Variants in UTRN observed in about 807,000 individuals in gnomAD.
UTRN encodes dystrophin-related protein 1.
Under a neutral mutation model 463.9 loss-of-function variants are expected in UTRN, and 283 were observed. The observed-to-expected ratio is 0.61, with a 90% CI of 0.55 to 0.67. The LOEUF (loss-of-function observed/expected upper bound fraction) is 0.67, where lower values mean the gene tolerates loss of function less well. Among genes scored for constraint, UTRN ranks in the 30% least tolerant of loss-of-function variants. The pLI is 0.00. For synonymous variants in UTRN, 1,442 were observed against 1,431.5 expected (o/e 1.01, Z -0.17); for missense variants, 3,922 against 4,084.3 (o/e 0.96, Z 1.08).
At chr6:144,519,034 A>G (rs1453386091) in intron 39 of UTRN, among the ~76,000 whole-genome samples, 1 of 152,174 alleles carries the variant, frequency 6.6e-6, no homozygotes, top group African/African-American at 2.4e-5. Flanking sequence ...TTAATGTACA[A>G]TTAGGATTGA....
intron 33 of UTRN, among the ~76,000 whole-genome samples, chr6:144,496,003 G>T (rs939538017): frequency 6.6e-6 from 1 of 152,132 alleles, no homozygotes; most frequent in Non-Finnish European, 1.5e-5. Flanking sequence ...CCAGTGGCAA[G>T]AAGTTCACAT....
At chr6:144,850,950 T>A (rs1377289890) in intron 74 of UTRN, 39 bp from the exon 75 acceptor site, 1 of 1,613,294 alleles carries the variant, frequency 6.2e-7, no homozygotes, top group South Asian at 1.1e-5. Context: ...TGTAATGTTT[T>A]GTGCAAATTT....
intron 20 of UTRN, 74 bp downstream of exon 20, chr6:144,459,085 A>G (rs1789155534): frequency 1.3e-6 from 2 of 1,563,124 alleles, no homozygotes; most frequent in African/African-American, 1.4e-5. Flanking sequence ...TTCTCGTATC[A>G]TGAACTTTAA....
At chr6:144,777,908 A>G (rs1021347526) in intron 60 of UTRN, among the ~76,000 whole-genome samples, 3 of 152,232 alleles carry the variant, frequency 2.0e-5, no homozygotes, top group African/African-American at 7.2e-5. Flanking sequence ...ATTTTGTCCA[A>G]TATCCAGAAA....
At chr6:144,544,046 A>G (rs1249255388) in intron 46 of UTRN, among the ~76,000 whole-genome samples, 1 of 152,158 alleles carries the variant, frequency 6.6e-6, no homozygotes, top group African/African-American at 2.4e-5. Flanking sequence ...GGGTTATCTT[A>G]CTTTTTAAAA....
chr6:144,703,059 G>T (rs1784748614), intron 53 of UTRN, among the ~76,000 whole-genome samples: 2 of 152,160 alleles, frequency 1.3e-5, no homozygotes, highest in South Asian at 4.1e-4. Flanking sequence ...CCAAGTGGTG[G>T]TGAATTGGAA....
intron 3 of UTRN, among the ~76,000 whole-genome samples, chr6:144,419,695 T>G (rs2114841822): frequency 6.6e-6 from 1 of 152,282 alleles, no homozygotes; most frequent in Non-Finnish European, 1.5e-5. Context: ...TGTAAAAAAC[T>G]AAATAAAGTC....
chr6:144,831,171 C>A (rs1018348228), intron 69 of UTRN, among the ~76,000 whole-genome samples: 1 of 152,132 alleles, frequency 6.6e-6, no homozygotes, highest in Non-Finnish European at 1.5e-5. Context: ...TGATGGCCCC[C>A]CAAAGATGTC....
chr6:144,428,936 G>A, intron 8 of UTRN, 43 bp downstream of exon 8: 1 of 1,307,726 alleles, frequency 7.6e-7, no homozygotes, highest in South Asian at 1.4e-5. Context: ...TTGCTTTACA[G>A]TTTTGCATTC....
At chr6:144,610,328 GAATA>G (rs979690655) in intron 51 of UTRN, among the ~76,000 whole-genome samples, 7 of 151,968 alleles carry the variant, frequency 4.6e-5, no homozygotes, top group African/African-American at 1.7e-4. Flanking sequence ...TAGAAGAAAT[GAATA>G]AATTTCTAGA....
intron 65 of UTRN, among the ~76,000 whole-genome samples, chr6:144,813,811 GT>G (rs780877503): frequency 1.3e-5 from 2 of 152,194 alleles, no homozygotes; most frequent in South Asian, 2.1e-4. Context: ...ACCTGGAAGG[GT>G]TTTGCCATGC....
At chr6:144,609,346 G>A (rs1490049805) in intron 51 of UTRN, among the ~76,000 whole-genome samples, 1 of 152,112 alleles carries the variant, frequency 6.6e-6, no homozygotes, top group East Asian at 1.9e-4. Context: ...AAGATACAAA[G>A]GAGGCTATCA....
At chr6:144,394,700 GT>G (rs1782242118) in intron 2 of UTRN, among the ~76,000 whole-genome samples, 1 of 151,968 alleles carries the variant, frequency 6.6e-6, no homozygotes, top group Non-Finnish European at 1.5e-5. Flanking sequence ...GTAAAGTATT[GT>G]TCTCTTTTTC....
chr6:144,338,462 T>C (rs556190242), intron 2 of UTRN, among the ~76,000 whole-genome samples: 1 of 152,352 alleles, frequency 6.6e-6, no homozygotes, highest in East Asian at 1.9e-4. Flanking sequence ...GATGCCTTTT[T>C]CATTTTTGCA....
chr6:144,558,773 G>T (rs66906366), intron 50 of UTRN, among the ~76,000 whole-genome samples: 1 of 151,996 alleles, frequency 6.6e-6, no homozygotes, highest in African/African-American at 2.4e-5. Context: ...GCAGGAGAAG[G>T]TCACAGAGAG....
At chr6:144,688,645 A>G (rs1272652237) in intron 52 of UTRN, among the ~76,000 whole-genome samples, 1 of 151,022 alleles carries the variant, frequency 6.6e-6, no homozygotes, top group Non-Finnish European at 1.5e-5. Context: ...AAGACTCTGT[A>G]TGAGTTCCTT....
chr6:144,576,114 A>AAT (rs1801407195), intron 50 of UTRN, among the ~76,000 whole-genome samples: 1 of 152,192 alleles, frequency 6.6e-6, no homozygotes, highest in African/African-American at 2.4e-5. Flanking sequence ...ATGGGTGAAT[A>AAT]ATAGTCTATG....
intron 65 of UTRN, among the ~76,000 whole-genome samples, chr6:144,819,972 G>A (rs1779452518): frequency 2.0e-5 from 3 of 150,832 alleles, no homozygotes; most frequent in African/African-American, 4.9e-5. Context: ...ATAATGAGTG[G>A]TAGGTTGAGC....
chr6:144,836,269 A>C (rs1195297579), intron 70 of UTRN, 32 bp from the exon 71 acceptor site: 1 of 1,613,312 alleles, frequency 6.2e-7, no homozygotes, highest in Non-Finnish European at 8.5e-7. Context: ...TGCACGTGGT[A>C]GTCATTCTGT....
Sources: gnomAD v4.1 joint callset for allele counts (sites outside exome capture counted in the v4.1 genomes callset) on GRCh38, gnomAD v4.1.1 for gene constraint, MANE v1.5 for transcripts, NCBI Gene and HGNC (gene_info 2026-07-23, HGNC 2026-07-21) for gene names.